ASTN2: variants seen among roughly 807,000 people sequenced by gnomAD.
ASTN2 encodes astrotactin-2.
A neutral mutation model predicts 139.8 loss-of-function variants in ASTN2; 54 were observed. That is an observed-to-expected ratio of 0.39 (90% CI 0.31 to 0.48). The LOEUF is 0.48. Among genes scored for constraint, ASTN2 ranks in the 20% least tolerant of loss-of-function variants. The probability of loss-of-function intolerance (pLI) is 0.95; values close to 1 mark genes in which losing one functional copy is unlikely to be tolerated. For missense variants in ASTN2, 1,565 were observed against 1,725.1 expected (o/e 0.91, Z 1.64); for synonymous variants, 756 against 719.5 (o/e 1.05, Z -0.81).
chr9:117,252,829 T>C (rs1484734966), intron 2 of ASTN2, among the ~76,000 whole-genome samples: 3 of 152,160 alleles, frequency 2.0e-5, no homozygotes, highest in African/African-American at 7.2e-5. Flanking sequence ...CCTCTTACCT[T>C]TGCAGAAATT....
intron 3 of ASTN2, among the ~76,000 whole-genome samples, chr9:117,156,835 T>C (rs1299969573): frequency 1.3e-5 from 2 of 152,072 alleles, no homozygotes; most frequent in Non-Finnish European, 2.9e-5. Flanking sequence ...TTGCAGTAAC[T>C]GTGGTTTAGT....
At chr9:116,762,824 C>T (rs1293283999) in intron 13 of ASTN2, among the ~76,000 whole-genome samples, 3 of 152,186 alleles carry the variant, frequency 2.0e-5, no homozygotes, top group African/African-American at 7.2e-5. Context: ...AGCTGGAAAG[C>T]TCAAAATATT....
At chr9:116,583,257 T>G (rs1204313848) in intron 19 of ASTN2, 2 of 152,226 alleles carry the variant, frequency 1.3e-5, no homozygotes, top group East Asian at 3.9e-4. Flanking sequence ...GAACTTTTCT[T>G]GGATCCCATG....
At chr9:117,133,351 A>C (rs1342340384) in intron 4 of ASTN2, among the ~76,000 whole-genome samples, 1 of 152,174 alleles carries the variant, frequency 6.6e-6, no homozygotes, top group Non-Finnish European at 1.5e-5. Context: ...TTTGATGCAT[A>C]AGTCATTTCC....
At chr9:116,613,811 G>A (rs1240479578) in intron 19 of ASTN2, among the ~76,000 whole-genome samples, 1 of 152,108 alleles carries the variant, frequency 6.6e-6, no homozygotes, top group Admixed American at 6.6e-5. Context: ...TTTGAAAACT[G>A]GCACAAGACA....
chr9:116,607,869 G>A (rs1283732041), intron 19 of ASTN2, among the ~76,000 whole-genome samples: 3 of 152,152 alleles, frequency 2.0e-5, no homozygotes, highest in African/African-American at 7.2e-5. Flanking sequence ...GCTGAGGCAG[G>A]AGAATCGCTT....
chr9:117,080,727 C>A (rs1828404780), intron 5 of ASTN2, among the ~76,000 whole-genome samples: 1 of 152,106 alleles, frequency 6.6e-6, no homozygotes. Context: ...CCACAGATAT[C>A]CTTAGAGCAG....
chr9:117,377,965 G>A (rs1288765525), intron 1 of ASTN2, among the ~76,000 whole-genome samples: 2 of 152,102 alleles, frequency 1.3e-5, no homozygotes, highest in African/African-American at 2.4e-5. Flanking sequence ...ATAAACACCC[G>A]TTACCAGTGA....
intron 19 of ASTN2, among the ~76,000 whole-genome samples, chr9:116,511,175 C>T (rs1025577037): frequency 3.9e-5 from 6 of 152,202 alleles, no homozygotes; most frequent in East Asian, 1.9e-4. Flanking sequence ...GAGATACGTC[C>T]GATCAATACC....
chr9:116,586,057 A>G (rs1026888616), intron 19 of ASTN2: 1 of 152,232 alleles, frequency 6.6e-6, no homozygotes. Flanking sequence ...GCTCCACATT[A>G]CTAGTCATCA....
intron 22 of ASTN2, among the ~76,000 whole-genome samples, chr9:116,426,959 C>A (rs956202240): frequency 3.3e-5 from 5 of 152,228 alleles, no homozygotes; most frequent in Non-Finnish European, 4.4e-5. Context: ...ATGCTGAAGA[C>A]CAGCCTTACC....
intron 2 of ASTN2, among the ~76,000 whole-genome samples, chr9:117,221,451 T>C (rs1268483789): frequency 6.6e-6 from 1 of 152,208 alleles, no homozygotes; most frequent in East Asian, 1.9e-4. Flanking sequence ...CAATGTGTCA[T>C]TCAGAAACTG....
At chr9:116,577,249 C>CCAGGCA (rs1341311944) in intron 19 of ASTN2, among the ~76,000 whole-genome samples, 4 of 152,296 alleles carry the variant, frequency 2.6e-5, no homozygotes, top group African/African-American at 7.2e-5. Context: ...ATGTTATAGG[C>CCAGGCA]CAGGCACGGT....
chr9:116,848,593 T>A (rs971593925), intron 11 of ASTN2, among the ~76,000 whole-genome samples: 1 of 152,062 alleles, frequency 6.6e-6, no homozygotes, highest in African/African-American at 2.4e-5. Flanking sequence ...GGCACCTGAG[T>A]CTCTTTTCTT....
chr9:116,803,504 ATATATATATATATATATATTTTTT>A (rs1830934862), intron 13 of ASTN2, among the ~76,000 whole-genome samples: 2 of 6,940 alleles, frequency 2.9e-4, no homozygotes, highest in African/African-American at 6.8e-4. Context: ...ATATATATAT[ATATATATATATATATATATTTTTT>A]TTTTTTTTTT....
At chr9:116,457,508 A>G (rs1038627343) in intron 20 of ASTN2, among the ~76,000 whole-genome samples, 1 of 152,174 alleles carries the variant, frequency 6.6e-6, no homozygotes, top group South Asian at 2.1e-4. Context: ...TACCAAAAAG[A>G]TTCTAATAAC....
At chr9:117,059,929 C>T (rs558193551) in intron 5 of ASTN2, among the ~76,000 whole-genome samples, 12 of 152,240 alleles carry the variant, frequency 7.9e-5, no homozygotes, top group Non-Finnish European at 1.8e-4. Context: ...CAGTGGTTTC[C>T]TAGAACTGAC....
chr9:117,094,120 GAGGGAGGGAGGGACTA>G lies in ASTN2; in HGVS notation c.1276+1908_1276+1923del, dbSNP rs1468107536. ...GGAAGAAAGAAAGGAGGGAGAGAGG[GAGGGAGGGAGGGACTA>G]AGGGAGGGAGGGAGGGAGAAAGGGA... On this transcript the variant is annotated intron_variant, in intron 5 of 22. Coordinates refer to ENST00000313400, the MANE Select transcript of ASTN2 (RefSeq NM_001365068.1). Among the ~76,000 whole-genome samples, 22 of 25,164 alleles carry G rather than the reference GAGGGAGGGAGGGACTA, an allele frequency of 8.7e-4. No individual in the cohort carries two copies. In the South Asian group the frequency reaches 0.022, roughly 25 times the overall value. The allele number at this position is 25,164 out of a possible 152,430, so 16.5% of individuals were successfully genotyped here. A position where few individuals can be genotyped will look rare whatever the true frequency, so the allele number is the denominator to read the frequency against.
intron 16 of ASTN2, among the ~76,000 whole-genome samples, chr9:116,719,987 G>A (rs1010511773): frequency 5.3e-5 from 8 of 152,120 alleles, no homozygotes; most frequent in Non-Finnish European, 8.8e-5. Context: ...GAACAACTCC[G>A]TTCATATCTT....
Sources: gnomAD v4.1 joint callset for allele counts (sites outside exome capture counted in the v4.1 genomes callset) on GRCh38, gnomAD v4.1.1 for gene constraint, MANE v1.5 for transcripts, NCBI Gene and HGNC (gene_info 2026-07-23, HGNC 2026-07-21) for gene names.